Variants in DNAH10 observed in about 807,000 individuals in gnomAD.
DNAH10 encodes dynein axonemal heavy chain 10.
Under a neutral mutation model 506.6 loss-of-function variants are expected in DNAH10, and 348 were observed. That is an observed-to-expected ratio of 0.69 (90% CI 0.63 to 0.75). The LOEUF is 0.75. Among genes scored for constraint, DNAH10 ranks in the 30% least tolerant of loss-of-function variants. DNAH10 has a pLI of 0.00. For missense variants in DNAH10, 5,179 were observed against 5,787.1 expected, an observed-to-expected ratio of 0.89 and a Z score of 3.41; for synonymous variants, 2,059 against 2,198.6, an observed-to-expected ratio of 0.94 and a Z score of 1.78.
At chr12:123,893,802 G>A (rs1439400479) in intron 53 of DNAH10, among the ~76,000 whole-genome samples, 3 of 152,178 alleles carry the variant, frequency 2.0e-5, no homozygotes, top group Non-Finnish European at 2.9e-5. Context: ...GGGGACTCTT[G>A]GCAATGCCTG....
At chr12:123,910,262 G>T (rs1009080104) in intron 58 of DNAH10, among the ~76,000 whole-genome samples, 3 of 152,182 alleles carry the variant, frequency 2.0e-5, no homozygotes, top group East Asian at 3.9e-4. Context: ...AGCCACCTGG[G>T]TGCCCAGTTG....
chr12:123,802,305 T>G (rs949945242), intron 16 of DNAH10, among the ~76,000 whole-genome samples: 3 of 152,160 alleles, frequency 2.0e-5, no homozygotes, highest in East Asian at 3.9e-4. Flanking sequence ...AGTTTAAGGT[T>G]GTTGTTGTTG....
Position 123,932,101 on chromosome 12 carries a change from T to C in DNAH10, c.13289T>C (p.Met4430Thr), listed in dbSNP as rs373047577. Residue 4430 changes from methionine (M) to threonine (T), a missense_variant, in exon 76 of 79, where the codon ATG becomes ACG. This residue lies in a region of DNAH10 where 4,844 missense variants were observed against 5,430.5 expected (regional missense o/e 0.89). Coordinates refer to ENST00000673944, the MANE Select transcript of DNAH10 (RefSeq NM_001372106.1). ...TTCCTGCGGCGGTTCAGCCAGTACA[T>C]GTTGTGGGTAAGTGGCACGTCACCG... Reference protein sequence around the residue: ...VYFLRRFSQYMLWVTESEPSV... With the variant: ...VYFLRRFSQYTLWVTESEPSV... 2 of 1,613,472 alleles carry C rather than the reference T, an allele frequency of 1.2e-6. No individual in the cohort carries two copies. The highest frequency in any genetic ancestry group is 1.7e-6 in the Non-Finnish European group (2 of 1,179,872).
rs1270741519 is a variant in DNAH10 at position 123,865,986 on chromosome 12, C to T, written c.7080C>T (p.Val2360=). ...TACAGTATGCCTCCCCTGCAACTGTCTCTCGATGTGGAATGGTTTATGTGG... is the reference window on the plus strand; with the variant it reads ...TACAGTATGCCTCCCCTGCAACTGTTTCTCGATGTGGAATGGTTTATGTGG... ...GDLQYASPAT[V]SRCGMVYVDP... is the part of the protein sequence containing the mutation. The change falls in exon 41 of 79, where the codon GTC becomes GTT. Residue 2360 remains valine, a synonymous_variant. Transcript: ENST00000673944. 1 of 1,609,310 alleles carries T rather than the reference C, an allele frequency of 6.2e-7. No homozygotes were observed. The highest frequency in any genetic ancestry group is 1.3e-5 in the African/African-American group (1 of 74,744).
chr12:123,844,584 A>G (rs777004534), intron 30 of DNAH10, among the ~76,000 whole-genome samples: 10 of 152,176 alleles, frequency 6.6e-5, no homozygotes, highest in East Asian at 1.9e-4. Flanking sequence ...GCGTGTTACA[A>G]CCTGGCCTGC....
intron 78 of DNAH10, chr12:123,934,992 C>T (rs1955423847): frequency 4.7e-6 from 3 of 639,202 alleles, no homozygotes; most frequent in Middle Eastern, 4.3e-4. Context: ...GTGTCAGGCT[C>T]AAGCTGTGAT....
chr12:123,921,999 G>A (rs1566107935), intron 65 of DNAH10, among the ~76,000 whole-genome samples: 2 of 151,922 alleles, frequency 1.3e-5, no homozygotes, highest in African/African-American at 2.4e-5. Flanking sequence ...ACAGATGTGA[G>A]CCACCACACC....
chr12:123,926,172 A>T lies in DNAH10; in HGVS notation c.11922-465A>T, dbSNP rs964134846. ...CTTGAGCCCAAGAGTTTGAGGCTGCAGTGAGCTGTGATAGTACCACTGTAC... is the reference window on the plus strand; with the variant it reads ...CTTGAGCCCAAGAGTTTGAGGCTGCTGTGAGCTGTGATAGTACCACTGTAC... On this transcript the variant is annotated intron_variant, in intron 68 of 78. Transcript: ENST00000673944. This position sits in a 1 kb window ranked among gnomAD's most constrained non-coding sequence, Gnocchi z 4.1. The T allele has an allele frequency of 2.0e-5, 3 of 152,174 alleles. No individual in the cohort carries two copies. The highest frequency in any genetic ancestry group is 6.6e-5 in the Admixed American group (1 of 15,230). 9.4% of individuals were successfully genotyped at this position (152,174 alleles called of 1,614,324 possible). A position where few individuals can be genotyped will look rare whatever the true frequency, so the allele number is the denominator to read the frequency against.
chr12:123,799,189 G>GTGGT, intron 13 of DNAH10, 57 bp from the exon 14 acceptor site: 1 of 1,220,164 alleles, frequency 8.2e-7, no homozygotes, highest in South Asian at 2.1e-5. Flanking sequence ...TGTGTAGAGC[G>GTGGT]AGATGAAAAA....
chr12:123,769,182 G>C (rs1162179608), intron 2 of DNAH10, among the ~76,000 whole-genome samples: 1 of 152,138 alleles, frequency 6.6e-6, no homozygotes, highest in Middle Eastern at 3.2e-3. Context: ...GTGTTGCTCT[G>C]TCACCCAGGC....
intron 27 of DNAH10, among the ~76,000 whole-genome samples, chr12:123,834,857 C>T (rs961232920): frequency 3.3e-5 from 5 of 152,210 alleles, no homozygotes; most frequent in African/African-American, 4.8e-5. Context: ...TCAGTGCTTC[C>T]GTCCTTTTTA....
At chr12:123,864,467 G>C in intron 39 of DNAH10, 128 bp from the exon 40 acceptor site, 1 of 1,277,408 alleles carries the variant, frequency 7.8e-7, no homozygotes. Flanking sequence ...CAACTAGGGT[G>C]CTCTGTCTCA....
chr12:123,814,669 C>T (rs1959076403), intron 21 of DNAH10, among the ~76,000 whole-genome samples: 1 of 139,876 alleles, frequency 7.1e-6, no homozygotes, highest in African/African-American at 2.8e-5. Context: ...GGCTGGAGTG[C>T]AGTGGCATGA....
At chr12:123,837,479 C>T (rs2136571193) in intron 28 of DNAH10, among the ~76,000 whole-genome samples, 1 of 151,954 alleles carries the variant, frequency 6.6e-6, no homozygotes, top group African/African-American at 2.4e-5. Flanking sequence ...CCAGGGTAAC[C>T]ATTTTAATAG....
At chr12:123,920,137 G>A (rs909851554) in intron 65 of DNAH10, among the ~76,000 whole-genome samples, 6 of 152,156 alleles carry the variant, frequency 3.9e-5, no homozygotes, top group Non-Finnish European at 5.9e-5. Context: ...GAATAGTGTC[G>A]TGATCGTCTG....
chr12:123,816,149 C>A (rs1959135578), intron 21 of DNAH10, among the ~76,000 whole-genome samples: 1 of 152,168 alleles, frequency 6.6e-6, no homozygotes, highest in African/African-American at 2.4e-5. Flanking sequence ...TTCTTTGTCC[C>A]TGGTTCCTGG....
At chr12:123,826,248 G>C (rs527604904) in intron 24 of DNAH10, among the ~76,000 whole-genome samples, 1 of 152,144 alleles carries the variant, frequency 6.6e-6, no homozygotes, top group African/African-American at 2.4e-5. Flanking sequence ...CTGATGGTTT[G>C]TAAACAGATT....
In DNAH10 at chr12:123,857,247, G is replaced by A; in HGVS notation, c.6630G>A (p.Gln2210=). ...EENGYAVLPI[Q]VDKVVQMFET... The stretch of plus-strand genomic sequence containing the variant: ...ACGGCTACGCGGTCCTACCCATCCA[G>A]GTAAAGCCAGGAAAATGACCTCACT... Residue 2210 remains glutamine (Q), a splice_region_variant and synonymous_variant, in exon 37 of 79, where the codon CAG becomes CAA. Transcript: ENST00000673944. 1 of 1,541,404 alleles carries A rather than the reference G, an allele frequency of 6.5e-7. No homozygotes were observed. Among genetic ancestry groups the A allele is most frequent in the South Asian group, 1.2e-5 (1 of 80,838 alleles).
In DNAH10 at chr12:123,814,027, T is replaced by C. The variant is rs1317008994; in HGVS notation, c.3780+115T>C. The C allele has an allele frequency of 3.1e-6, 3 of 964,898 alleles. No homozygotes were observed. In the East Asian group the frequency reaches 8.2e-5, roughly 26 times the overall value. The allele number at this position is 964,898 out of a possible 1,614,324, so 59.8% of individuals were successfully genotyped here. A position where few individuals can be genotyped will look rare whatever the true frequency, so the allele number is the denominator to read the frequency against. ...TGATTTGTTTTCAAATAAGTGACTT[T>C]AAGTAATACATTGTAAATGTAAAGC... is the stretch of plus-strand genomic sequence containing the variant. On this transcript the variant is annotated intron_variant, in intron 21 of 78. Transcript: ENST00000673944.
Sources: allele counts gnomAD v4.1 joint callset (sites outside exome capture counted in the v4.1 genomes callset), GRCh38; gene constraint gnomAD v4.1.1; regional missense constraint gnomAD v4.1.1; non-coding constraint Gnocchi (gnomAD v3.1); transcripts MANE v1.5; gene names NCBI Gene and HGNC (gene_info 2026-07-23, HGNC 2026-07-21).